The following PHACTR3 variants were observed in gnomAD, a reference collection of about 807,000 sequenced individuals.
PHACTR3 encodes protein phosphatase 1, regulatory subunit 123.
A neutral mutation model predicts 66.8 loss-of-function variants in PHACTR3; 16 were observed. The ratio of observed to expected loss-of-function variants is 0.24; its 90% confidence interval spans 0.16 to 0.36. The LOEUF (loss-of-function observed/expected upper bound fraction) is 0.36. Among genes scored for constraint, PHACTR3 ranks in the 10% least tolerant of loss-of-function variants. PHACTR3 has a pLI of 1.00. For missense variants in PHACTR3, 647 were observed against 719.9 expected, an observed-to-expected ratio of 0.90 and a Z score of 1.16; for synonymous variants, 323 against 292.1, an observed-to-expected ratio of 1.11 and a Z score of -1.08.
chr20:59,723,716 G>A (rs1016524275), intron 1 of PHACTR3, among the ~76,000 whole-genome samples: 11 of 151,948 alleles, frequency 7.2e-5, no homozygotes, highest in African/African-American at 1.2e-4. Flanking sequence ...CTGAGGAGTC[G>A]AATGGTCATA....
intron 1 of PHACTR3, among the ~76,000 whole-genome samples, chr20:59,591,078 C>G (rs565721759): frequency 1.3e-5 from 2 of 152,350 alleles, no homozygotes; most frequent in East Asian, 3.9e-4. Context: ...CTTGTGGCTT[C>G]CATGATGGGC....
chr20:59,782,592 G>A (rs2040760500), intron 7 of PHACTR3, among the ~76,000 whole-genome samples: 1 of 152,114 alleles, frequency 6.6e-6, no homozygotes, highest in Non-Finnish European at 1.5e-5. Flanking sequence ...CACCTGCCTG[G>A]GGAGGCCTCA....
chr20:59,777,958 C>T (rs1402415967), intron 7 of PHACTR3, among the ~76,000 whole-genome samples: 4 of 152,162 alleles, frequency 2.6e-5, no homozygotes, highest in African/African-American at 7.2e-5. Flanking sequence ...CTCCAGATCT[C>T]GGTTCCCATC....
intron 1 of PHACTR3, chr20:59,676,599 C>T (rs942397102): frequency 1.3e-5 from 8 of 622,986 alleles, no homozygotes; most frequent in Middle Eastern, 8.1e-4. Context: ...TCTCAGGGAG[C>T]GGAGCGAGTC....
intron 1 of PHACTR3, among the ~76,000 whole-genome samples, chr20:59,679,239 G>A (rs980611570): frequency 3.3e-5 from 5 of 152,126 alleles, no homozygotes; most frequent in Non-Finnish European, 7.3e-5. Context: ...TGAGAGGATG[G>A]CTCCTGACAG....
chr20:59,845,833 TTC>T (rs1237131583), intron 12 of PHACTR3, among the ~76,000 whole-genome samples: 1 of 152,188 alleles, frequency 6.6e-6, no homozygotes, highest in Non-Finnish European at 1.5e-5. Flanking sequence ...TATTGGCTGA[TTC>T]TCCCATAATC....
intron 1 of PHACTR3, among the ~76,000 whole-genome samples, chr20:59,660,120 G>A (rs2035760234): frequency 2.0e-5 from 3 of 152,142 alleles, no homozygotes; most frequent in South Asian, 4.1e-4. Flanking sequence ...CTTAGGTGAG[G>A]CCCCACATAT....
intron 4 of PHACTR3, among the ~76,000 whole-genome samples, chr20:59,765,201 C>T (rs1247185043): frequency 6.6e-6 from 1 of 152,198 alleles, no homozygotes; most frequent in Non-Finnish European, 1.5e-5. Flanking sequence ...GAGTTGTAGA[C>T]TCTTAGACAT....
chr20:59,755,754 G>T (rs1344873671), intron 4 of PHACTR3, among the ~76,000 whole-genome samples: 2 of 152,194 alleles, frequency 1.3e-5, no homozygotes, highest in African/African-American at 2.4e-5. Flanking sequence ...AGGGTTGAGG[G>T]ACTTTTCTGT....
At chr20:59,616,243 A>T (rs1183916578) in intron 1 of PHACTR3, among the ~76,000 whole-genome samples, 1 of 152,192 alleles carries the variant, frequency 6.6e-6, no homozygotes, top group Non-Finnish European at 1.5e-5. Flanking sequence ...GGACACAGGA[A>T]GATCCTGGTC....
Position 59,623,219 on chromosome 20 carries a change from T to C in PHACTR3, c.118+18087T>C, listed in dbSNP as rs73301432. The stretch of plus-strand genomic sequence containing the variant: ...AATTCCAGGGCGGCTGGAGACAGGA[T>C]GGGGTGGGGCAGGTATGTCGGCTCC... On this transcript the variant is annotated intron_variant, in intron 1 of 12. Transcript: ENST00000371015. 5.9e-3 allele frequency among the ~76,000 whole-genome samples: 889 copies of C among 151,744 alleles called. 9 individuals are homozygous for C. Among genetic ancestry groups the C allele is most frequent in the African/African-American group, 0.02 (835 of 41,362 alleles).
intron 1 of PHACTR3, among the ~76,000 whole-genome samples, chr20:59,611,512 G>A (rs747763518): frequency 2.0e-5 from 3 of 152,206 alleles, no homozygotes; most frequent in Non-Finnish European, 2.9e-5. Context: ...TCATGGGACC[G>A]TGTCCCTCAG....
chr20:59,774,565 G>A, intron 7 of PHACTR3, 75 bp downstream of exon 7: 1 of 1,539,126 alleles, frequency 6.5e-7, no homozygotes, highest in African/African-American at 1.4e-5. Flanking sequence ...CGAGGACAGA[G>A]CTCGTGCCTG....
At chr20:59,637,711 AAC>A (rs1388699794) in intron 1 of PHACTR3, among the ~76,000 whole-genome samples, 13 of 137,626 alleles carry the variant, frequency 9.4e-5, no homozygotes, top group African/African-American at 2.7e-4. Context: ...AAAAAAAAAA[AAC>A]CAACAAACAA....
intron 1 of PHACTR3, among the ~76,000 whole-genome samples, chr20:59,718,782 G>A (rs1275232935): frequency 1.3e-5 from 2 of 152,178 alleles, no homozygotes; most frequent in Admixed American, 6.5e-5. Context: ...CACTTTACAC[G>A]GCTCTGTTTT....
chr20:59,645,752 A>G (rs993998962), intron 1 of PHACTR3, among the ~76,000 whole-genome samples: 2 of 152,170 alleles, frequency 1.3e-5, no homozygotes, highest in African/African-American at 4.8e-5. Flanking sequence ...TCATGTTTTA[A>G]TGAAAACAGA....
chr20:59,843,970 C>CA (rs1399976635), intron 11 of PHACTR3: 1 of 151,702 alleles, frequency 6.6e-6, no homozygotes, highest in African/African-American at 2.4e-5. Context: ...ACTCAACAGT[C>CA]AAAAAACAAA....
chr20:59,605,187 G>T, intron 1 of PHACTR3, 55 bp downstream of exon 1: 2 of 1,213,362 alleles, frequency 1.6e-6, no homozygotes, highest in South Asian at 2.5e-5. Context: ...GGCAGGTGGC[G>T]CTGAGAGCAG....
intron 1 of PHACTR3, among the ~76,000 whole-genome samples, chr20:59,687,360 A>G (rs907151371): frequency 6.6e-6 from 1 of 152,168 alleles, no homozygotes; most frequent in Non-Finnish European, 1.5e-5. Flanking sequence ...ACCTTGTAGT[A>G]GATTTGAAAA....
Sources: gnomAD v4.1 joint callset for allele counts (sites outside exome capture counted in the v4.1 genomes callset) on GRCh38, gnomAD v4.1.1 for gene constraint, MANE v1.5 for transcripts, NCBI Gene and HGNC (gene_info 2026-07-23, HGNC 2026-07-21) for gene names.